GNA14: variants seen among roughly 807,000 people sequenced by gnomAD.
The protein encoded by GNA14 is G protein subunit alpha 14.
In GNA14, 50 loss-of-function variants were observed where a neutral mutation model predicts 42.0. That is an observed-to-expected ratio of 1.19 (90% CI 0.95 to 1.51). The LOEUF is 1.51. Ranked by LOEUF, GNA14 falls within the 40% of genes most tolerant of loss-of-function variation. The probability of loss-of-function intolerance (pLI) is 0.00; values close to 1 mark genes in which losing one functional copy is unlikely to be tolerated. For synonymous variants in GNA14, 173 were observed against 163.1 expected (o/e 1.06, Z -0.46); for missense variants, 473 against 446.2 (o/e 1.06, Z -0.54).
At chr9:77,645,313 A>G (rs1028669858) in intron 1 of GNA14, among the ~76,000 whole-genome samples, 9 of 152,192 alleles carry the variant, frequency 5.9e-5, no homozygotes, top group African/African-American at 2.2e-4. Context: ...GAATTGCATG[A>G]CTTCAGACAA....
intron 5 of GNA14, among the ~76,000 whole-genome samples, chr9:77,426,412 C>G (rs1437301902): frequency 6.6e-6 from 1 of 152,098 alleles, no homozygotes; most frequent in Non-Finnish European, 1.5e-5. Flanking sequence ...TCAAGTGATT[C>G]TCCTGCCTCA....
intron 1 of GNA14, among the ~76,000 whole-genome samples, chr9:77,617,532 C>T (rs1823842839): frequency 6.6e-6 from 1 of 152,144 alleles, no homozygotes; most frequent in Admixed American, 6.6e-5. Flanking sequence ...CATTCCATAA[C>T]ATCTCAACTG....
chr9:77,434,417 C>T lies in GNA14; in HGVS notation c.415G>A (p.Glu139Lys). The change falls in exon 3 of 7, where the codon GAG becomes AAG. Residue 139 changes from glutamate (E) to lysine (K), a missense_variant. Physicochemically the swap from Glu to Lys is moderately conservative, Grantham distance 56. Coordinates refer to ENST00000341700, the MANE Select transcript of GNA14 (RefSeq NM_004297.4). ...TACTCCCTCCTCCTGTCGTAACACT[C>T]CTGGATGCCTGGATCTTGCCAGAGC... is the stretch of plus-strand genomic sequence containing the variant. ...KQLWQDPGIQECYDRRREYQL... is the reference protein window; with the variant it reads ...KQLWQDPGIQKCYDRRREYQL... The T allele has an allele frequency of 6.2e-7, 1 of 1,614,164 alleles. No homozygotes were observed. The highest frequency in any genetic ancestry group is 8.5e-7 in the Non-Finnish European group (1 of 1,179,998).
chr9:77,565,827 T>C (rs1822959077), intron 1 of GNA14, among the ~76,000 whole-genome samples: 2 of 152,226 alleles, frequency 1.3e-5, no homozygotes, highest in South Asian at 4.1e-4. Context: ...GTATTTCTAT[T>C]GAATGAGTCT....
At chr9:77,467,151 G>A (rs917271214) in intron 2 of GNA14, among the ~76,000 whole-genome samples, 4 of 151,970 alleles carry the variant, frequency 2.6e-5, no homozygotes, top group African/African-American at 9.7e-5. Flanking sequence ...GCACTCCTGA[G>A]GGGGTGCAGA....
chr9:77,502,115 T>G (rs1021746674), intron 2 of GNA14, among the ~76,000 whole-genome samples: 1 of 152,232 alleles, frequency 6.6e-6, no homozygotes, highest in Non-Finnish European at 1.5e-5. Context: ...GTTATATTTT[T>G]TAATTCTAAA....
intron 1 of GNA14, among the ~76,000 whole-genome samples, chr9:77,601,201 CT>C (rs995318763): frequency 6.6e-5 from 10 of 151,708 alleles, no homozygotes; most frequent in African/African-American, 2.2e-4. Context: ...TTTTTGTTTT[CT>C]TTTTTCCTTT....
intron 1 of GNA14, among the ~76,000 whole-genome samples, chr9:77,594,430 G>A (rs1211796492): frequency 2.6e-5 from 4 of 152,168 alleles, no homozygotes; most frequent in Non-Finnish European, 5.9e-5. Flanking sequence ...CTACTGCTGT[G>A]GTCTCCAGCT....
At chr9:77,621,966 C>T (rs1823930957) in intron 1 of GNA14, among the ~76,000 whole-genome samples, 1 of 152,084 alleles carries the variant, frequency 6.6e-6, no homozygotes, top group Non-Finnish European at 1.5e-5. Flanking sequence ...CACTCTGTTG[C>T]CCAGGCTGGA....
intron 2 of GNA14, among the ~76,000 whole-genome samples, chr9:77,459,594 G>A (rs370399193): frequency 2.6e-5 from 4 of 152,124 alleles, no homozygotes; most frequent in East Asian, 1.9e-4. Flanking sequence ...GGTCCCACCC[G>A]CAAGCTCTTT....
chr9:77,607,207 A>G (rs915530674), intron 1 of GNA14, among the ~76,000 whole-genome samples: 2 of 152,240 alleles, frequency 1.3e-5, no homozygotes, highest in Non-Finnish European at 2.9e-5. Flanking sequence ...TGTAATAATA[A>G]ATAGAACAGT....
At chr9:77,441,170 T>C (rs901749529) in intron 2 of GNA14, among the ~76,000 whole-genome samples, 4 of 152,230 alleles carry the variant, frequency 2.6e-5, no homozygotes, top group South Asian at 2.1e-4. Flanking sequence ...CACCCAAATG[T>C]CATCCTGAAT....
chr9:77,574,202 C>G (rs1282313796), intron 1 of GNA14, among the ~76,000 whole-genome samples: 1 of 152,142 alleles, frequency 6.6e-6, no homozygotes, highest in Non-Finnish European at 1.5e-5. Context: ...CAAGCTGCCA[C>G]TGAATATAAG....
chr9:77,472,670 C>A (rs1052797985), intron 2 of GNA14, among the ~76,000 whole-genome samples: 3 of 152,008 alleles, frequency 2.0e-5, no homozygotes, highest in Non-Finnish European at 4.4e-5. Context: ...AGCCCTAAGC[C>A]CTAATGTGAT....
chr9:77,461,618 A>G (rs537513343), intron 2 of GNA14, among the ~76,000 whole-genome samples: 43 of 152,300 alleles, frequency 2.8e-4, no homozygotes, highest in African/African-American at 9.9e-4. Flanking sequence ...CCTATATCAT[A>G]AGGATCAATT....
chr9:77,493,019 AAAAAAAAATATAT>A, intron 2 of GNA14, among the ~76,000 whole-genome samples: 4 of 120,036 alleles, frequency 3.3e-5, no homozygotes, highest in Non-Finnish European at 6.9e-5. Flanking sequence ...AAAAAAAAAA[AAAAAAAAATATAT>A]ATATATATAT....
intron 1 of GNA14, among the ~76,000 whole-genome samples, chr9:77,573,188 C>T (rs554253760): frequency 1.3e-5 from 2 of 152,198 alleles, no homozygotes; most frequent in African/African-American, 2.4e-5. Context: ...GTGGCTCACG[C>T]GTGTAATCCT....
At chr9:77,481,536 G>A (rs1327935181) in intron 2 of GNA14, among the ~76,000 whole-genome samples, 5 of 152,292 alleles carry the variant, frequency 3.3e-5, no homozygotes, top group African/African-American at 9.6e-5. Flanking sequence ...TTGATTTGGG[G>A]TGGAGAGTTC....
chr9:77,463,112 G>A (rs755344648), intron 2 of GNA14, among the ~76,000 whole-genome samples: 8 of 152,162 alleles, frequency 5.3e-5, no homozygotes, highest in Non-Finnish European at 1.0e-4. Context: ...AATGCGAAGG[G>A]CACCATTTCC....
Sources: allele counts gnomAD v4.1 joint callset (sites outside exome capture counted in the v4.1 genomes callset), GRCh38; gene constraint gnomAD v4.1.1; transcripts MANE v1.5; gene names NCBI Gene and HGNC (gene_info 2026-07-23, HGNC 2026-07-21).